DNAH3: variants seen among roughly 807,000 people sequenced by gnomAD.
DNAH3 encodes dynein axonemal heavy chain 3.
In DNAH3, 332 loss-of-function variants were observed where a neutral mutation model predicts 432.5. That is an observed-to-expected ratio of 0.77 (90% CI 0.70 to 0.84). The LOEUF (loss-of-function observed/expected upper bound fraction) is 0.84, where lower values mean the gene tolerates loss of function less well. DNAH3 is among the 40% of genes least tolerant of loss of function. The pLI, the probability that DNAH3 is intolerant of heterozygous loss-of-function variation, is 0.00. For missense variants in DNAH3, 4,861 were observed against 5,114.0 expected (o/e 0.95, Z 1.51); for synonymous variants, 1,956 against 1,900.2 (o/e 1.03, Z -0.76).
chr16:21,044,372 T>C (rs1173342136), intron 31 of DNAH3, among the ~76,000 whole-genome samples: 3 of 151,132 alleles, frequency 2.0e-5, no homozygotes, highest in Admixed American at 6.6e-5. Flanking sequence ...GTAGTTCTCC[T>C]TGAAGAGGTC....
intron 23 of DNAH3, among the ~76,000 whole-genome samples, chr16:21,068,557 C>T (rs146655182): frequency 1.4e-4 from 22 of 152,334 alleles, no homozygotes; most frequent in African/African-American, 5.3e-4. Flanking sequence ...TCAAGCAATC[C>T]GCCTGCCTTG....
chr16:21,095,504 A>G (rs2091649216), intron 18 of DNAH3, among the ~76,000 whole-genome samples: 2 of 152,216 alleles, frequency 1.3e-5, no homozygotes, highest in South Asian at 4.1e-4. Context: ...AAACTATAGG[A>G]ACAATGAAGA....
rs1396603777 is a variant in DNAH3, at chr16:20,980,096, G to C, written c.7860-550C>G. On this transcript the variant is annotated intron_variant, in intron 49 of 61. Transcript: ENST00000261383. Reference sequence around the variant, plus strand: ...CATTTCTATCACTGATCCCTTTGATGAATCACCAGGGCTTAAGCAGGAATT... The same window carrying C: ...CATTTCTATCACTGATCCCTTTGATCAATCACCAGGGCTTAAGCAGGAATT... Among the ~76,000 whole-genome samples, 4 of 150,080 alleles carry C rather than the reference G, an allele frequency of 2.7e-5. No individual in the cohort carries two copies. In the Admixed American group the frequency reaches 2.7e-4, roughly 10 times the overall value.
At chr16:21,067,205 C>T (rs2090583967) in intron 24 of DNAH3, 78 bp downstream of exon 24, 1 of 1,550,170 alleles carries the variant, frequency 6.5e-7, no homozygotes, top group African/African-American at 1.4e-5. Context: ...TTGAAGCCAA[C>T]TCTTGGCATG....
intron 20 of DNAH3, among the ~76,000 whole-genome samples, chr16:21,079,961 T>A (rs1311433073): frequency 6.6e-6 from 1 of 152,220 alleles, no homozygotes; most frequent in African/African-American, 2.4e-5. Flanking sequence ...GCCTTTCATG[T>A]ATCAGAATCG....
chr16:21,027,228 TA>T, intron 37 of DNAH3, 101 bp from the exon 38 acceptor site: 1 of 831,176 alleles, frequency 1.2e-6, no homozygotes, highest in South Asian at 1.5e-5. Context: ...ATTCATTCCA[TA>T]AATATTTCTT....
chr16:21,158,263 TTCA>T (rs2092913130), intron 1 of DNAH3: 1 of 152,274 alleles, frequency 6.6e-6, no homozygotes, highest in East Asian at 1.9e-4. Context: ...AGGGTGATAC[TTCA>T]TCACGTGTGT....
At chr16:21,078,466 T>C (rs1408107298) in intron 20 of DNAH3, among the ~76,000 whole-genome samples, 1 of 152,084 alleles carries the variant, frequency 6.6e-6, no homozygotes, top group African/African-American at 2.4e-5. Flanking sequence ...ATATGGCCTG[T>C]GAGAGGTGAC....
intron 10 of DNAH3, chr16:21,121,221 G>A: frequency 5.3e-6 from 2 of 375,494 alleles, no homozygotes; most frequent in South Asian, 2.1e-5. Flanking sequence ...AGGGAGTGAG[G>A]AAAAGATGGA....
chr16:21,060,061 C>T (rs897993627), intron 26 of DNAH3, among the ~76,000 whole-genome samples: 3 of 152,162 alleles, frequency 2.0e-5, no homozygotes, highest in African/African-American at 7.2e-5. Flanking sequence ...TCTTCTCTTG[C>T]ATCACCTGCT....
chr16:21,124,081 C>T (rs574643903), intron 9 of DNAH3, among the ~76,000 whole-genome samples: 2 of 152,268 alleles, frequency 1.3e-5, no homozygotes, highest in East Asian at 1.9e-4. Context: ...CGTGAGCCAC[C>T]GTGCCTGGCC....
chr16:21,117,406 G>C lies in DNAH3; in HGVS notation c.1700-89C>G, dbSNP rs535730024. The C allele has an allele frequency of 6.9e-6, 6 of 864,754 alleles. No homozygotes were observed. The African/African-American group carries it at 8.5e-5, about 12-fold the overall frequency. 53.6% of individuals were successfully genotyped at this position (864,754 alleles called of 1,614,324 possible). The stretch of plus-strand genomic sequence containing the variant: ...AAGGGAGATGGTACCCAAATGCAAA[G>C]CCTTCTCTAATGCACTCATTTCCAG... On this transcript the variant is annotated intron_variant, in intron 11 of 61. Transcript: ENST00000261383.
In DNAH3 at chr16:21,051,786, G is replaced by T; in HGVS notation, c.4122C>A (p.Tyr1374Ter). The T allele has an allele frequency of 1.2e-6, 2 of 1,614,100 alleles. No individual in the cohort carries two copies. Among genetic ancestry groups the T allele is most frequent in the Non-Finnish European group, 1.7e-6 (2 of 1,180,022 alleles). Residue 1374 changes from tyrosine (Y) to a stop codon, truncating the protein, a stop_gained, in exon 29 of 62, where the codon TAC becomes TAA. Transcript: ENST00000261383. LOFTEE classifies it high-confidence loss of function. ...GCACCTGCACATCCTTGGCCACCCA[G>T]TAGTAGCGCAGCTGTGAGATCCATT...
At chr16:20,964,687 A>G (rs745644193) in exon 53 of DNAH3, 2 of 1,614,044 alleles carry the variant, frequency 1.2e-6, no homozygotes, top group African/African-American at 1.3e-5. Flanking sequence ...GCCATTGTCG[A>G]TGGAGAAGGA....
intron 51 of DNAH3, among the ~76,000 whole-genome samples, chr16:20,970,863 C>CT (rs869203073): frequency 0.026 from 3,193 of 124,044 alleles, 90 homozygotes; most frequent in African/African-American, 0.053. Context: ...TTTCTCTATT[C>CT]TTTTTTTTTT....
chr16:20,999,648 C>A (rs2086921738), intron 43 of DNAH3, among the ~76,000 whole-genome samples: 1 of 152,148 alleles, frequency 6.6e-6, no homozygotes, highest in African/African-American at 2.4e-5. Flanking sequence ...GAAATTTAAC[C>A]TTCTGGAGCC....
At chr16:21,142,644 T>C (rs1567866744) in intron 3 of DNAH3, among the ~76,000 whole-genome samples, 3 of 145,448 alleles carry the variant, frequency 2.1e-5, no homozygotes. Flanking sequence ...ATAACAACAA[T>C]ACAAAAATCC....
At chr16:20,946,460 T>A (rs547358039) in intron 57 of DNAH3, among the ~76,000 whole-genome samples, 178 of 152,314 alleles carry the variant, frequency 1.2e-3, no homozygotes, top group African/African-American at 3.8e-3. Flanking sequence ...CTGGGGCACA[T>A]GCTCTCAGGA....
At chr16:20,943,415 G>A (rs918333397) in intron 58 of DNAH3, among the ~76,000 whole-genome samples, 15 of 151,728 alleles carry the variant, frequency 9.9e-5, no homozygotes, top group Non-Finnish European at 1.5e-4. Flanking sequence ...GTAGTGATGC[G>A]GTCTCCTTAT....
Sources: gnomAD v4.1 joint callset for allele counts (sites outside exome capture counted in the v4.1 genomes callset) on GRCh38, gnomAD v4.1.1 for gene constraint, MANE v1.5 for transcripts, NCBI Gene and HGNC (gene_info 2026-07-23, HGNC 2026-07-21) for gene names.